The following ITPRID1 variants were observed in gnomAD, a reference collection of about 807,000 sequenced individuals.
ITPRID1 encodes ITPR interacting domain containing 1.
Under a neutral mutation model 95.4 loss-of-function variants are expected in ITPRID1, and 96 were observed. The ratio of observed to expected loss-of-function variants is 1.01; its 90% CI spans 0.85 to 1.19. The LOEUF is 1.19. ITPRID1 is among the 50% of genes most tolerant of loss of function. The probability of loss-of-function intolerance (pLI) is 0.00; values close to 1 mark genes in which losing one functional copy is unlikely to be tolerated. For missense variants in ITPRID1, 1,339 were observed against 1,252.9 expected (o/e 1.07, Z -1.04); for synonymous variants, 510 against 453.6 (o/e 1.12, Z -1.58).
At chr7:31,560,348 G>A (rs1412843618) in intron 5 of ITPRID1, among the ~76,000 whole-genome samples, 1 of 152,178 alleles carries the variant, frequency 6.6e-6, no homozygotes, top group African/African-American at 2.4e-5. Context: ...CTCTTACTCA[G>A]TGTCACAAGG....
intron 1 of ITPRID1, among the ~76,000 whole-genome samples, chr7:31,522,853 G>C: frequency 6.6e-6 from 1 of 152,142 alleles, no homozygotes; most frequent in Non-Finnish European, 1.5e-5. Flanking sequence ...TATAAATAGA[G>C]TTAGTTTGAC....
chr7:31,636,291 G>T (rs1007495572), intron 10 of ITPRID1, among the ~76,000 whole-genome samples: 1 of 152,146 alleles, frequency 6.6e-6, no homozygotes, highest in Non-Finnish European at 1.5e-5. Flanking sequence ...GCCAGCACAT[G>T]GACAAATGGG....
At chr7:31,545,082 G>A (rs1180166446) in intron 1 of ITPRID1, among the ~76,000 whole-genome samples, 1 of 151,638 alleles carries the variant, frequency 6.6e-6, no homozygotes, top group African/African-American at 2.4e-5. Flanking sequence ...TACAGTAAGG[G>A]GCTACACAGG....
rs781089460 is a variant in ITPRID1 at position 31,651,980 on chromosome 7, G to A, written c.2753G>A (p.Arg918Lys). The change falls in exon 14 of 15, where the codon AGG (arginine) becomes AAG (lysine). Residue 918 changes from arginine (R) to lysine (K), a missense_variant. Arg to Lys is a conservative substitution (Grantham distance 26). Transcript: ENST00000615280. ...EQLQTLREAL[R>K]QQVAELEFQL... is the part of the protein sequence containing the mutation. ...CTGCAAACGTTACGTGAGGCCCTGA[G>A]GCAGCAGGTGGCAGAGTTGGAATTT... The A allele has an allele frequency of 6.2e-7, 1 of 1,605,464 alleles. No individual in the cohort carries two copies.
At chr7:31,553,875 T>C (rs1784365047) in intron 3 of ITPRID1, among the ~76,000 whole-genome samples, 1 of 152,204 alleles carries the variant, frequency 6.6e-6, no homozygotes, top group South Asian at 2.1e-4. Flanking sequence ...CTGCTTTACA[T>C]CCTCTCCTTT....
Position 31,574,611 on chromosome 7 carries a change from A to T in ITPRID1, c.467A>T (p.Asp156Val). ...EILLDLGFGA[D>V]EPDICMQIPA... ...CTCTTGGATCTGGGGTTTGGTGCTG[A>T]TGAGCCAGACATCTGCATGCAAATC... is the stretch of plus-strand genomic sequence containing the variant. Residue 156 changes from aspartate (D) to valine (V), a missense_variant, in exon 8 of 15, where the codon GAT becomes GTT. Asp to Val is a radical substitution (Grantham distance 152, BLOSUM62 -3). Transcript: ENST00000615280. The T allele has an allele frequency of 6.2e-7, 1 of 1,613,920 alleles. No individual in the cohort carries two copies. Among genetic ancestry groups the T allele is most frequent in the Non-Finnish European group, 8.5e-7 (1 of 1,179,844 alleles).
intron 1 of ITPRID1, among the ~76,000 whole-genome samples, chr7:31,521,494 A>G (rs985687419): frequency 4.6e-5 from 7 of 152,334 alleles, no homozygotes; most frequent in Non-Finnish European, 8.8e-5. Flanking sequence ...AATGCATTCC[A>G]TCTTGCTAAA....
At position 31,577,945 on chromosome 7, in the gene ITPRID1, CAG is replaced by C. The variant is rs750949457; in HGVS notation, c.684_685del (p.Arg228SerfsTer2). On this transcript the variant is annotated frameshift_variant, in exon 9 of 15. Coordinates refer to ENST00000615280, the MANE Select transcript of ITPRID1 (RefSeq NM_001257967.3). LOFTEE classifies it high-confidence loss of function. ...LLSDVSILPNRAEEKAGGESV... is the reference protein window; with the variant it reads ...LLSDVSILPNXAEEKAGGESV... ...TGAGTGATGTCAGCATCCTGCCAAA[CAG>C]AGCTGAAGAGAAAGCTGGAGGAGAG... The C allele has an allele frequency of 6.2e-7, 1 of 1,613,700 alleles. No individual in the cohort carries two copies. The highest frequency in any genetic ancestry group is 8.5e-7 in the Non-Finnish European group (1 of 1,179,786).
At position 31,651,289 on chromosome 7, in the gene ITPRID1, A is replaced by T. The variant is rs1790925949; in HGVS notation, c.2711+20A>T. 6.2e-7 allele frequency: 1 copy of T among 1,610,406 alleles called. No homozygotes were observed. Among genetic ancestry groups the T allele is most frequent in the Non-Finnish European group, 8.5e-7 (1 of 1,178,074 alleles). On this transcript the variant is annotated intron_variant, in intron 13 of 14. Transcript: ENST00000615280. ...GGAAAGGTAATTACCTAAGGGAGCC[A>T]TAAAAGTAAGTACCAGCCCACACAC... is the stretch of plus-strand genomic sequence containing the variant.
chr7:31,623,017 A>C (rs1399002177), intron 10 of ITPRID1, among the ~76,000 whole-genome samples: 3 of 152,206 alleles, frequency 2.0e-5, no homozygotes, highest in Non-Finnish European at 2.9e-5. Context: ...AAATGGATAA[A>C]TTCCTCAACA....
At chr7:31,546,729 T>C (rs1328101743) in intron 1 of ITPRID1, among the ~76,000 whole-genome samples, 6 of 152,154 alleles carry the variant, frequency 3.9e-5, no homozygotes, top group Non-Finnish European at 5.9e-5. Flanking sequence ...ATCTCTGTCC[T>C]GAAGAAAATC....
At chr7:31,577,315 G>C (rs1474840490) in intron 8 of ITPRID1, among the ~76,000 whole-genome samples, 1 of 152,214 alleles carries the variant, frequency 6.6e-6, no homozygotes, top group African/African-American at 2.4e-5. Context: ...GCACTGTGTA[G>C]CTCTTAGTTA....
At chr7:31,547,555 C>T (rs976520992) in intron 1 of ITPRID1, among the ~76,000 whole-genome samples, 65 of 152,138 alleles carry the variant, frequency 4.3e-4, no homozygotes, top group African/African-American at 1.4e-3. Context: ...CCAATAACCT[C>T]CTACCGGGTC....
intron 1 of ITPRID1, among the ~76,000 whole-genome samples, chr7:31,534,688 AT>A (rs1016815427): frequency 2.5e-4 from 37 of 150,830 alleles, no homozygotes; most frequent in Non-Finnish European, 4.7e-4. Flanking sequence ...ATATAATTTG[AT>A]TTTTTTTCTA....
chr7:31,587,217 T>C (rs1371994573), intron 10 of ITPRID1, among the ~76,000 whole-genome samples: 16 of 152,274 alleles, frequency 1.1e-4, no homozygotes, highest in African/African-American at 3.6e-4. Flanking sequence ...TTGCAGATGA[T>C]ATGATTGTAT....
At chr7:31,521,394 G>A (rs1483379089) in intron 1 of ITPRID1, among the ~76,000 whole-genome samples, 4 of 151,844 alleles carry the variant, frequency 2.6e-5, no homozygotes, top group Non-Finnish European at 4.4e-5. Context: ...TTCAATTATT[G>A]GTTTTTAGTT....
chr7:31,549,550 A>G, intron 2 of ITPRID1, 51 bp downstream of exon 2: 1 of 1,355,714 alleles, frequency 7.4e-7, no homozygotes, highest in East Asian at 2.5e-5. Context: ...AACTCCATAA[A>G]GTGTTTATTT....
chr7:31,602,380 A>G (rs1243620765), intron 10 of ITPRID1, among the ~76,000 whole-genome samples: 1 of 151,518 alleles, frequency 6.6e-6, no homozygotes, highest in East Asian at 1.9e-4. Context: ...GGCATTTACA[A>G]ATTCTTTTAT....
At chr7:31,635,364 C>T (rs73689150) in intron 10 of ITPRID1, among the ~76,000 whole-genome samples, 1,832 of 152,240 alleles carry the variant, frequency 0.012, 43 homozygotes, top group African/African-American at 0.041. Context: ...TCTCTCAAAA[C>T]GATTGACATG....
Sources: allele counts gnomAD v4.1 joint callset (sites outside exome capture counted in the v4.1 genomes callset), GRCh38; gene constraint gnomAD v4.1.1; transcripts MANE v1.5; gene names NCBI Gene and HGNC (gene_info 2026-07-23, HGNC 2026-07-21).